PSKH2: variants seen among roughly 807,000 people sequenced by gnomAD.
PSKH2 encodes the protein serine/threonine-protein kinase H2.
PSKH2 carries 16 observed loss-of-function variants against 22.5 expected under a neutral mutation model. The observed-to-expected ratio is 0.71, with a 90% CI of 0.48 to 1.08. The LOEUF is 1.08. PSKH2 is among the 50% of genes least tolerant of loss of function. The probability of loss-of-function intolerance (pLI) is 0.00; values close to 1 mark genes in which losing one functional copy is unlikely to be tolerated. For missense variants in PSKH2, 516 were observed against 492.8 expected, an observed-to-expected ratio of 1.05 and a Z score of -0.44; for synonymous variants, 188 against 184.8, an observed-to-expected ratio of 1.02 and a Z score of -0.14.
Position 86,069,590 on chromosome 8 carries a change from C to CG in PSKH2, c.32dup (p.Pro13AlafsTer52). ...TGGCCCAAGCCAGCGCTGGTGGCCC[C>CG]GGGACCACCTTCCTGCTGGCGCCGC... is the stretch of plus-strand genomic sequence containing the variant. On this transcript the variant is annotated frameshift_variant, in exon 1 of 3. Transcript: ENST00000276616. LOFTEE classifies it high-confidence loss of function. 6.3e-7 allele frequency: 1 copy of CG among 1,595,190 alleles called. No individual in the cohort carries two copies. The highest frequency in any genetic ancestry group is 8.5e-7 in the Non-Finnish European group (1 of 1,172,902).
rs1020744915 is a variant in PSKH2 at position 86,069,643 on chromosome 8, T to C, written c.-21A>G. 4 of 1,518,374 alleles carry C rather than the reference T, an allele frequency of 2.6e-6. No homozygotes were observed. The highest frequency in any genetic ancestry group is 2.6e-6 in the Non-Finnish European group (3 of 1,138,452). The allele number at this position is 1,518,374 out of a possible 1,614,324, so 94.1% of individuals were successfully genotyped here. On this transcript the variant is annotated 5_prime_UTR_variant, in exon 1 of 3. Transcript: ENST00000276616. ...CCCATACCCGCAACACGCCCGCCGC[T>C]CGCGGGACCTGGGGACTCGGGAAGC...
chr8:86,065,127 C>T (rs1178850245), intron 1 of PSKH2, among the ~76,000 whole-genome samples: 1 of 152,190 alleles, frequency 6.6e-6, no homozygotes, highest in Admixed American at 6.5e-5. Flanking sequence ...TCCTCTAGCC[C>T]TTGTTTTTGT....
rs1436646351 is a variant in PSKH2 at position 86,066,890 on chromosome 8, A to ATGTGTGATTT, written c.186-2260_186-2259insAAATCACACA. 1.1e-3 allele frequency among the ~76,000 whole-genome samples: 169 copies of ATGTGTGATTT among 152,254 alleles called. 1 individual carries two copies. The highest frequency in any genetic ancestry group is 3.9e-3 in the African/African-American group (160 of 41,542). Reference sequence around the variant, plus strand: ...TTTCCAACTCTGCTTTTCTATTCACATGCATTCTCAGTGTGATTTTGAAGA... The same window carrying ATGTGTGATTT: ...TTTCCAACTCTGCTTTTCTATTCACATGTGTGATTTTGCATTCTCAGTGTGATTTTGAAGA... On this transcript the variant is annotated intron_variant, in intron 1 of 2. Transcript: ENST00000276616.
chr8:86,065,430 C>A (rs1035532533), intron 1 of PSKH2, among the ~76,000 whole-genome samples: 19 of 152,170 alleles, frequency 1.2e-4, no homozygotes. Flanking sequence ...CCTCCATCCC[C>A]ATACCCACAC....
At chr8:86,068,062 A>G (rs1264033795) in intron 1 of PSKH2, among the ~76,000 whole-genome samples, 1 of 152,262 alleles carries the variant, frequency 6.6e-6, no homozygotes, top group Non-Finnish European at 1.5e-5. Context: ...ACAAATGACC[A>G]GAGATGCCAT....
chr8:86,047,756 A>G lies in PSKH2; in HGVS notation c.*706T>C, dbSNP rs1817547447. Among the ~76,000 whole-genome samples the G allele has an allele frequency of 6.6e-6, 1 of 152,134 alleles. No homozygotes were observed. Among genetic ancestry groups the G allele is most frequent in the Admixed American group, 6.6e-5 (1 of 15,266 alleles). On this transcript the variant is annotated 3_prime_UTR_variant, in exon 3 of 3. Coordinates refer to ENST00000276616, the MANE Select transcript of PSKH2 (RefSeq NM_033126.3). ...ATAATTCTAAAAGAAACCAGTACAT[A>G]CTGAAAAGAGTTGACAGTAGTGATA...
intron 2 of PSKH2, among the ~76,000 whole-genome samples, chr8:86,061,933 C>A (rs555584037): frequency 6.6e-6 from 1 of 152,204 alleles, no homozygotes; most frequent in Non-Finnish European, 1.5e-5. Flanking sequence ...GTTTGTTATG[C>A]AGTGGTAGAT....
At chr8:86,049,357 G>A (rs552478396) in intron 2 of PSKH2, among the ~76,000 whole-genome samples, 2 of 152,106 alleles carry the variant, frequency 1.3e-5, no homozygotes, top group East Asian at 3.9e-4. Flanking sequence ...CCAGGAGTTT[G>A]AGACCAGCCT....
Position 86,064,561 on chromosome 8 carries a change from T to C in PSKH2, c.256A>G (p.Lys86Glu), listed in dbSNP as rs778550203. 14 of 1,613,850 alleles carry C rather than the reference T, an allele frequency of 8.7e-6. No homozygotes were observed. The East Asian group carries it at 2.9e-4, about 33-fold the overall frequency. The change falls in exon 2 of 3, where the codon AAG (lysine) becomes GAG (glutamate). Residue 86 changes from lysine to glutamate, a missense_variant. Transcript: ENST00000276616. ...RVVRVEQKTTKKPFAIKVMET... is the reference protein window; with the variant it reads ...RVVRVEQKTTEKPFAIKVMET... ...ATCACTTTTATTGCAAAAGGTTTCT[T>C]GGTGGTCTTCTGCTCTACCCTGACA...
chr8:86,056,359 T>C (rs1817698107), intron 2 of PSKH2, among the ~76,000 whole-genome samples: 2 of 152,182 alleles, frequency 1.3e-5, no homozygotes, highest in South Asian at 4.1e-4. Context: ...AATATGGTTA[T>C]AATTCTCCTT....
intron 2 of PSKH2, among the ~76,000 whole-genome samples, chr8:86,050,770 G>T (rs72686720): frequency 0.14 from 21,167 of 152,054 alleles, 1,903 homozygotes; most frequent in African/African-American, 0.26. Context: ...TTAAAAGATG[G>T]TATTTCCAAG....
chr8:86,056,106 T>C (rs936462544), intron 2 of PSKH2, among the ~76,000 whole-genome samples: 1 of 151,816 alleles, frequency 6.6e-6, no homozygotes, highest in African/African-American at 2.4e-5. Context: ...CTGGGCAACA[T>C]AACAAGACCC....
intron 2 of PSKH2, 83 bp downstream of exon 2, chr8:86,063,882 T>C: frequency 9.0e-7 from 1 of 1,113,154 alleles, no homozygotes; most frequent in Non-Finnish European, 1.3e-6. Context: ...CCAAAAATCA[T>C]CCAGTCTTAA....
At chr8:86,052,554 G>C (rs1563539675) in intron 2 of PSKH2, among the ~76,000 whole-genome samples, 1 of 152,206 alleles carries the variant, frequency 6.6e-6, no homozygotes, top group Non-Finnish European at 1.5e-5. Context: ...TTTTCAAACT[G>C]TAAATATTGT....
chr8:86,051,600 G>A (rs1040857374), intron 2 of PSKH2, among the ~76,000 whole-genome samples: 5 of 152,168 alleles, frequency 3.3e-5, no homozygotes, highest in African/African-American at 1.2e-4. Context: ...CACTCACAAT[G>A]CCATGCCCTC....
intron 2 of PSKH2, among the ~76,000 whole-genome samples, chr8:86,062,348 C>A (rs1424774062): frequency 2.0e-5 from 3 of 152,196 alleles, no homozygotes; most frequent in Non-Finnish European, 4.4e-5. Context: ...ACCTTTGCTG[C>A]ATCTGGGATT....
intron 2 of PSKH2, among the ~76,000 whole-genome samples, chr8:86,056,117 T>C (rs1384886937): frequency 6.6e-6 from 1 of 151,898 alleles, no homozygotes; most frequent in East Asian, 1.9e-4. Context: ...AACAAGACCC[T>C]ATCTCTACAA....
chr8:86,069,674 G>GCCGTTCCTCCGCC, upstream of PSKH2: 2 of 1,453,322 alleles, frequency 1.4e-6, no homozygotes, highest in Non-Finnish European at 1.8e-6. Context: ...GAAGCAGCCA[G>GCCGTTCCTCCGCC]CCCCGTTCCT....
Position 86,069,544 on chromosome 8 carries a change from C to T in PSKH2, c.79G>A (p.Ala27Thr), listed in dbSNP as rs754283342. The change falls in exon 1 of 3, where the codon GCC becomes ACC. Residue 27 changes from alanine to threonine, a missense_variant. By Grantham distance (58) the Ala-to-Thr change is moderately conservative. Coordinates refer to ENST00000276616, the MANE Select transcript of PSKH2 (RefSeq NM_033126.3). Reference protein sequence around the residue: ...AWAKHEGQNQAGVGGAGPGPE... With the variant: ...AWAKHEGQNQTGVGGAGPGPE... ...CCAGGCCCCGCGCCTCCGACGCCGG[C>T]TTGGTTTTGACCTTCGTGCTTGGCC... is the stretch of plus-strand genomic sequence containing the variant. The T allele has an allele frequency of 6.8e-6, 11 of 1,608,658 alleles. No homozygotes were observed. In the African/African-American group the frequency reaches 1.3e-4, roughly 20 times the overall value.
Sources: allele counts gnomAD v4.1 joint callset (sites outside exome capture counted in the v4.1 genomes callset), GRCh38; gene constraint gnomAD v4.1.1; transcripts MANE v1.5; gene names NCBI Gene and HGNC (gene_info 2026-07-23, HGNC 2026-07-21).